Variants in TSC2 observed in about 807,000 individuals in gnomAD.
TSC2 encodes the protein TSC complex subunit 2, also known as tuberin.
TSC2 carries 29 observed loss-of-function variants against 202.2 expected under a neutral mutation model. The observed-to-expected ratio is 0.14, with a 90% CI of 0.11 to 0.20. The LOEUF (loss-of-function observed/expected upper bound fraction) is 0.20, where lower values mean the gene tolerates loss of function less well. Ranked by LOEUF, TSC2 falls within the 10% of genes least tolerant of loss-of-function variation. TSC2 has a pLI of 1.00. For synonymous variants in TSC2, 1,349 were observed against 1,044.0 expected (o/e 1.29, Z -5.63); for missense variants, 2,429 against 2,420.0 (o/e 1.00, Z -0.08).
intron 26 of TSC2, chr16:2,078,464 G>A (rs562532463): frequency 5.6e-6 from 1 of 177,642 alleles, no homozygotes; most frequent in Admixed American, 5.5e-5. Context: ...GGTGCTCGGT[G>A]AGGCTTAAAG....
At chr16:2,060,574 C>T in intron 10 of TSC2, 96 bp from the exon 11 acceptor site, 1 of 1,601,972 alleles carries the variant, frequency 6.2e-7, no homozygotes, top group Admixed American at 1.7e-5. Context: ...ACTGCGCGCT[C>T]AGGCGTGCTA....
At position 2,079,524 on chromosome 16, in the gene TSC2, A is replaced by C; in HGVS notation, c.3285-33A>C. ...GCACCCTCGTACCAGCCTGGGGACTAAGTCCACCCTGTGCGTGGGATTCTC... is the reference window on the plus strand; with the variant it reads ...GCACCCTCGTACCAGCCTGGGGACTCAGTCCACCCTGTGCGTGGGATTCTC... On this transcript the variant is annotated intron_variant, in intron 28 of 41. Transcript: ENST00000219476. This position sits in a 1 kb window ranked among gnomAD's most constrained non-coding sequence, Gnocchi z 4.6. The C allele has an allele frequency of 6.2e-7, 1 of 1,605,886 alleles. No individual in the cohort carries two copies.
At chr16:2,050,738 C>T (rs761095324) in intron 3 of TSC2, among the ~76,000 whole-genome samples, 3 of 151,662 alleles carry the variant, frequency 2.0e-5, no homozygotes, top group African/African-American at 2.4e-5. Flanking sequence ...ATTACAGGCA[C>T]GCGCCACCAC....
chr16:2,088,772 G>A lies in TSC2; in HGVS notation c.*162G>A. The A allele has an allele frequency of 5.0e-6, 5 of 1,008,246 alleles. No individual in the cohort carries two copies. The highest frequency in any genetic ancestry group is 7.1e-6 in the Non-Finnish European group (5 of 703,368). The allele number at this position is 1,008,246 out of a possible 1,614,324, so 62.5% of individuals were successfully genotyped here. ...GTGCGGGGGTTGGGGGGGTGTCGAG[G>A]CTCTAGAAGCGGCCATGCCCACAGA... On this transcript the variant is annotated 3_prime_UTR_variant, in exon 42 of 42. Coordinates refer to ENST00000219476, the MANE Select transcript of TSC2 (RefSeq NM_000548.5).
At chr16:2,070,215 CATTGAATG>C (rs2088060734) in intron 16 of TSC2, among the ~76,000 whole-genome samples, 1 of 152,190 alleles carries the variant, frequency 6.6e-6, no homozygotes, top group Non-Finnish European at 1.5e-5. Context: ...GGAGCTTCTC[CATTGAATG>C]GACTCTTCCT....
At chr16:2,080,633 G>T (rs192729507) in intron 30 of TSC2, 15 of 502,808 alleles carry the variant, frequency 3.0e-5, no homozygotes, top group African/African-American at 1.9e-4. Context: ...ACAGGCGCCC[G>T]CCACCACGCC....
At chr16:2,050,027 C>T (rs2084907553) in intron 2 of TSC2, among the ~76,000 whole-genome samples, 1 of 149,796 alleles carries the variant, frequency 6.7e-6, no homozygotes, top group Non-Finnish European at 1.5e-5. Flanking sequence ...GCGATCTCGG[C>T]TCACTGCAAT....
intron 9 of TSC2, among the ~76,000 whole-genome samples, chr16:2,057,413 G>A (rs887305878): frequency 1.3e-5 from 2 of 152,120 alleles, no homozygotes; most frequent in Admixed American, 1.3e-4. Context: ...CCCCATGCTC[G>A]GACGTCCTCC....
intron 4 of TSC2, chr16:2,053,839 C>G (rs528583089): frequency 7.2e-5 from 36 of 499,502 alleles, no homozygotes; most frequent in African/African-American, 5.8e-4. Context: ...TTGGCTGACC[C>G]TGAACACCCA....
intron 16 of TSC2, among the ~76,000 whole-genome samples, chr16:2,069,713 C>A (rs1260797461): frequency 6.6e-6 from 1 of 152,178 alleles, no homozygotes; most frequent in Non-Finnish European, 1.5e-5. Flanking sequence ...ATCTCCTGAC[C>A]TCATGATCCA....
chr16:2,065,843 C>T (rs987413710), intron 16 of TSC2, among the ~76,000 whole-genome samples: 2 of 152,184 alleles, frequency 1.3e-5, no homozygotes, highest in African/African-American at 2.4e-5. Flanking sequence ...ACGCCCTGAC[C>T]AGAGCTTGTC....
At position 2,088,871 on chromosome 16, in the gene TSC2, G is replaced by A. The variant is rs1026534165; in HGVS notation, c.*261G>A. The A allele has an allele frequency of 5.7e-5, 28 of 495,392 alleles. No homozygotes were observed. Among genetic ancestry groups the A allele is most frequent in the Admixed American group, 2.5e-4 (7 of 27,702 alleles). The allele number at this position is 495,392 out of a possible 1,614,324, so 30.7% of individuals were successfully genotyped here. On this transcript the variant is annotated 3_prime_UTR_variant, in exon 42 of 42. Transcript: ENST00000219476. ...CCTGGGCCATACAGCACACTCGCGC[G>A]TGCGCGCGCGCACACACACACACAC...
At chr16:2,086,087 G>A (rs2090749374) in intron 36 of TSC2, 106 bp from the exon 37 acceptor site, 1 of 1,343,766 alleles carries the variant, frequency 7.4e-7, no homozygotes, top group Non-Finnish European at 1.0e-6. Context: ...TCTGCCTCAG[G>A]GATCAGAGTG....
rs2151060565 is a variant in TSC2, at chr16:2,055,474, A to G, written c.554A>G (p.Lys185Arg). ...EFLLVLVNLV[K>R]FNSCYLDEYI... ...CTTCTGGTGCTGGTGAACTTGGTCA[A>G]ATTCAATAGCTGTTACCTCGACGAG... Residue 185 changes from lysine to arginine, a missense_variant, in exon 6 of 42, where the codon AAA becomes AGA. Coordinates refer to ENST00000219476, the MANE Select transcript of TSC2 (RefSeq NM_000548.5). 2 of 1,614,218 alleles carry G rather than the reference A, an allele frequency of 1.2e-6. No homozygotes were observed. Among genetic ancestry groups the G allele is most frequent in the Non-Finnish European group, 8.5e-7 (1 of 1,180,038 alleles).
rs902572213 is a variant in TSC2, at chr16:2,088,761, G to A, written c.*151G>A. On this transcript the variant is annotated 3_prime_UTR_variant, in exon 42 of 42. Transcript: ENST00000219476. ...TTGTCTGCTTGGTGCGGGGGTTGGG[G>A]GGGTGTCGAGGCTCTAGAAGCGGCC... 2.5e-5 allele frequency: 28 copies of A among 1,112,990 alleles called. No individual in the cohort carries two copies. The Admixed American group carries it at 3.7e-4, about 15-fold the overall frequency. The allele number at this position is 1,112,990 out of a possible 1,614,324, so 68.9% of individuals were successfully genotyped here.
chr16:2,079,522 C>CT lies in TSC2; in HGVS notation c.3285-34dup. On this transcript the variant is annotated intron_variant, in intron 28 of 41. Transcript: ENST00000219476. The surrounding 1 kb of genome is among the most constrained non-coding windows in gnomAD (Gnocchi z 4.6). ...TGGCACCCTCGTACCAGCCTGGGGA[C>CT]TAAGTCCACCCTGTGCGTGGGATTC... is the stretch of plus-strand genomic sequence containing the variant. 6.2e-7 allele frequency: 1 copy of CT among 1,605,714 alleles called. No homozygotes were observed. Among genetic ancestry groups the CT allele is most frequent in the Non-Finnish European group, 8.5e-7 (1 of 1,176,738 alleles).
intron 16 of TSC2, among the ~76,000 whole-genome samples, chr16:2,068,325 C>T (rs2087690816): frequency 6.6e-6 from 1 of 152,174 alleles, no homozygotes; most frequent in Non-Finnish European, 1.5e-5. Flanking sequence ...CAGGCGTGAG[C>T]CATCGTGCCT....
intron 30 of TSC2, 199 bp downstream of exon 30, chr16:2,080,576 C>T (rs187725172): frequency 1.3e-4 from 84 of 642,268 alleles, no homozygotes; most frequent in Middle Eastern, 4.4e-4. Context: ...CTCCACCTCC[C>T]GGGTTCACGC....
intron 6 of TSC2, chr16:2,055,876 GCAAAACTCCATCT>G: frequency 2.4e-6 from 1 of 422,148 alleles, no homozygotes; most frequent in African/African-American, 2.6e-5. Context: ...GGGTGAAAGA[GCAAAACTCCATCT>G]CAAAAAAAAA....
Sources: allele counts gnomAD v4.1 joint callset (sites outside exome capture counted in the v4.1 genomes callset), GRCh38; gene constraint gnomAD v4.1.1; non-coding constraint Gnocchi (gnomAD v3.1); transcripts MANE v1.5; gene names NCBI Gene and HGNC (gene_info 2026-07-23, HGNC 2026-07-21).